AKAP13: variants seen among roughly 807,000 people sequenced by gnomAD.
AKAP13 encodes A-kinase anchor protein 13.
Under a neutral mutation model 264.5 loss-of-function variants are expected in AKAP13, and 80 were observed. The ratio of observed to expected loss-of-function variants is 0.30; its 90% CI spans 0.25 to 0.36. AKAP13 has a LOEUF of 0.36. Ranked by LOEUF, AKAP13 falls within the 10% of genes least tolerant of loss-of-function variation. AKAP13 has a pLI of 1.00. For missense variants in AKAP13, 3,712 were observed against 3,435.2 expected (o/e 1.08, Z -2.01); for synonymous variants, 1,380 against 1,250.2 (o/e 1.10, Z -2.19).
intron 12 of AKAP13, chr15:85,662,340 C>T: frequency 6.3e-7 from 1 of 1,597,940 alleles, no homozygotes; most frequent in Non-Finnish European, 8.6e-7. Context: ...ATTCCTGTTT[C>T]CTCTTTTCTC....
At chr15:85,561,691 G>A (rs2078383880) in intron 5 of AKAP13, among the ~76,000 whole-genome samples, 1 of 152,164 alleles carries the variant, frequency 6.6e-6, no homozygotes, top group Admixed American at 6.5e-5. Context: ...AACCAGTACA[G>A]TAAGGTAGGA....
At chr15:85,710,708 C>A in intron 19 of AKAP13, 63 bp downstream of exon 19, 2 of 1,543,780 alleles carry the variant, frequency 1.3e-6, no homozygotes, top group Non-Finnish European at 1.8e-6. Context: ...TGTAAAAATG[C>A]TGTTGTAATA....
intron 2 of AKAP13, among the ~76,000 whole-genome samples, chr15:85,489,586 A>G (rs1428813493): frequency 6.6e-6 from 1 of 152,150 alleles, no homozygotes; most frequent in Non-Finnish European, 1.5e-5. Context: ...GACTGTGAAG[A>G]TTTTCATTTA....
chr15:85,665,300 A>G (rs2083530357), intron 13 of AKAP13, among the ~76,000 whole-genome samples: 1 of 152,252 alleles, frequency 6.6e-6, no homozygotes, highest in African/African-American at 2.4e-5. Context: ...TATCCAGGAT[A>G]TTAAATTGAG....
chr15:85,523,423 C>G (rs573487368), intron 3 of AKAP13, among the ~76,000 whole-genome samples: 1 of 152,110 alleles, frequency 6.6e-6, no homozygotes, highest in Non-Finnish European at 1.5e-5. Context: ...CTTGTGTGTT[C>G]CCTTCCTTCA....
rs1043762925 is a variant in AKAP13 at position 85,653,608 on chromosome 15, T to C, written c.4375-1809T>C. On this transcript the variant is annotated intron_variant, in intron 10 of 36. Coordinates refer to ENST00000394518, the MANE Select transcript of AKAP13 (RefSeq NM_007200.5). ...AAAGAGTCTCCTTATAGTATAGAGA[T>C]ATAGAGCTTGTTTTCTATTCCAAAG... Among the ~76,000 whole-genome samples the C allele has an allele frequency of 2.6e-5, 4 of 152,342 alleles. No homozygotes were observed. In the South Asian group the frequency reaches 6.2e-4, roughly 24 times the overall value.
chr15:85,442,245 A>G (rs900314298), intron 1 of AKAP13, among the ~76,000 whole-genome samples: 3 of 150,264 alleles, frequency 2.0e-5, no homozygotes, highest in African/African-American at 7.4e-5. Flanking sequence ...CCCCGTCTCT[A>G]CTAAAAATAC....
chr15:85,547,864 G>A (rs2077812309), intron 5 of AKAP13, among the ~76,000 whole-genome samples: 1 of 152,046 alleles, frequency 6.6e-6, no homozygotes, highest in Non-Finnish European at 1.5e-5. Flanking sequence ...CCCAAAACAT[G>A]TAGGCCTACT....
intron 2 of AKAP13, among the ~76,000 whole-genome samples, chr15:85,503,055 A>G (rs946348511): frequency 2.6e-5 from 4 of 152,138 alleles, no homozygotes; most frequent in African/African-American, 9.7e-5. Context: ...TTTTCTTTGT[A>G]CCTAGTGTAT....
At chr15:85,619,352 A>G (rs1418569964) in intron 8 of AKAP13, 1 of 980,966 alleles carries the variant, frequency 1.0e-6, no homozygotes, top group East Asian at 1.2e-4. Flanking sequence ...TAGGGAGGGA[A>G]GGAGGGAGGG....
intron 8 of AKAP13, among the ~76,000 whole-genome samples, chr15:85,587,914 C>G (rs1046581588): frequency 3.9e-5 from 6 of 152,170 alleles, no homozygotes. Flanking sequence ...TCCCAAAGTG[C>G]TGGAAGTACA....
intron 17 of AKAP13, among the ~76,000 whole-genome samples, chr15:85,703,984 G>T (rs1418450165): frequency 1.3e-5 from 2 of 151,826 alleles, no homozygotes; most frequent in Non-Finnish European, 2.9e-5. Flanking sequence ...TTCTAAATTT[G>T]CTCATATTTA....
At chr15:85,526,498 C>G (rs1047891110) in intron 3 of AKAP13, among the ~76,000 whole-genome samples, 2 of 152,112 alleles carry the variant, frequency 1.3e-5, no homozygotes, top group African/African-American at 2.4e-5. Context: ...TCTCAAACTT[C>G]TGGTCTAAGT....
At chr15:85,734,315 G>A (rs1050042537) in intron 30 of AKAP13, among the ~76,000 whole-genome samples, 4 of 152,130 alleles carry the variant, frequency 2.6e-5, no homozygotes, top group Non-Finnish European at 5.9e-5. Flanking sequence ...TGAAATTAGT[G>A]TCTTAAGTTT....
At chr15:85,544,791 A>T (rs1412100272) in intron 5 of AKAP13, among the ~76,000 whole-genome samples, 1 of 152,262 alleles carries the variant, frequency 6.6e-6, no homozygotes, top group Non-Finnish European at 1.5e-5. Flanking sequence ...CTGAACAAGT[A>T]TAAACCCATT....
At chr15:85,415,440 A>G in intron 1 of AKAP13, 2 of 1,606,178 alleles carry the variant, frequency 1.2e-6, no homozygotes, top group Non-Finnish European at 1.7e-6. Flanking sequence ...CCTGGGAGAG[A>G]AGTTTGAAGA....
chr15:85,586,517 TA>T (rs1435382256), intron 8 of AKAP13, among the ~76,000 whole-genome samples: 1 of 152,204 alleles, frequency 6.6e-6, no homozygotes, highest in African/African-American at 2.4e-5. Context: ...AAACCCTTCT[TA>T]AACCTGACTC....
At chr15:85,445,788 T>C (rs2073878317) in intron 1 of AKAP13, among the ~76,000 whole-genome samples, 1 of 152,178 alleles carries the variant, frequency 6.6e-6, no homozygotes, top group African/African-American at 2.4e-5. Context: ...AATGGCACTG[T>C]ACTTGATGCT....
chr15:85,512,856 TGTATGTA>T (rs2076483495), intron 2 of AKAP13, among the ~76,000 whole-genome samples: 1 of 144,694 alleles, frequency 6.9e-6, no homozygotes, highest in East Asian at 1.9e-4. Context: ...TATGTATGTA[TGTATGTA>T]TGTATGTTTT....
Sources: allele counts gnomAD v4.1 joint callset (sites outside exome capture counted in the v4.1 genomes callset), GRCh38; gene constraint gnomAD v4.1.1; transcripts MANE v1.5; gene names NCBI Gene and HGNC (gene_info 2026-07-23, HGNC 2026-07-21).